AGR3: variants seen among roughly 807,000 people sequenced by gnomAD.
AGR3 encodes the protein anterior gradient 3, protein disulphide isomerase family member.
Under a neutral mutation model 24.5 loss-of-function variants are expected in AGR3, and 37 were observed. The ratio of observed to expected loss-of-function variants is 1.51; its 90% confidence interval spans 1.16 to 1.99. The LOEUF is 1.99. AGR3 is among the 30% of genes most tolerant of loss of function. AGR3 has a pLI of 0.00. For synonymous variants in AGR3, 75 were observed against 61.6 expected (o/e 1.22, Z -1.02); for missense variants, 228 against 191.1 (o/e 1.19, Z -1.14).
intron 1 of AGR3, among the ~76,000 whole-genome samples, chr7:16,879,054 A>G (rs1194104549): frequency 6.6e-6 from 1 of 152,232 alleles, no homozygotes; most frequent in African/African-American, 2.4e-5. Flanking sequence ...ATTCTCCTTC[A>G]TCTAATAGGT....
intron 1 of AGR3, 47 bp downstream of exon 1, chr7:16,881,897 C>T (rs1300773575): frequency 2.1e-6 from 1 of 470,738 alleles, no homozygotes; most frequent in Admixed American, 2.3e-5. Flanking sequence ...TTAAATATAG[C>T]AAAGCTTGAC....
At chr7:16,863,685 G>A (rs1488123175) in intron 3 of AGR3, among the ~76,000 whole-genome samples, 2 of 151,564 alleles carry the variant, frequency 1.3e-5, no homozygotes, top group African/African-American at 4.8e-5. Context: ...TCTACATTTT[G>A]CTTTTAAAAT....
At chr7:16,860,037 CTT>C (rs1183766843) in intron 7 of AGR3, among the ~76,000 whole-genome samples, 15 of 151,626 alleles carry the variant, frequency 9.9e-5, no homozygotes, top group South Asian at 8.3e-4. Context: ...GGGAGGATCA[CTT>C]GAGGCCAGGA....
chr7:16,858,619 C>T (rs1781585590), downstream of AGR3, among the ~76,000 whole-genome samples: 1 of 152,080 alleles, frequency 6.6e-6, no homozygotes, highest in Admixed American at 6.5e-5. Context: ...GGCCTGTAAT[C>T]CCAACACTTT....
At position 16,864,271 on chromosome 7, in the gene AGR3, C is replaced by T. The variant is rs192397534; in HGVS notation, c.174-1609G>A. On this transcript the variant is annotated intron_variant, in intron 3 of 7. Transcript: ENST00000310398. ...TGATTAGCAGGCTGGCTTCTATGTC[C>T]CATCACTCTCATAGTCTTCTATTAT... 3.4e-5 allele frequency: 46 copies of T among 1,338,844 alleles called. No homozygotes were observed. The South Asian group carries it at 5.4e-4, about 16-fold the overall frequency. 82.9% of individuals were successfully genotyped at this position (1,338,844 alleles called of 1,614,324 possible).
chr7:16,878,432 A>G (rs751986291), intron 2 of AGR3, 78 bp downstream of exon 2: 20 of 1,251,738 alleles, frequency 1.6e-5, no homozygotes, highest in Non-Finnish European at 2.1e-5. Flanking sequence ...TTATAATTAG[A>G]CTATGAGTGA....
chr7:16,862,216 TGGAAA>T (rs1183563067), intron 4 of AGR3, among the ~76,000 whole-genome samples, 156 bp from the exon 5 acceptor site: 1 of 152,192 alleles, frequency 6.6e-6, no homozygotes, highest in African/African-American at 2.4e-5. Flanking sequence ...TGTCCCTCAT[TGGAAA>T]GCAATGAGGG....
rs1344975110 is a variant in AGR3 at position 16,878,502 on chromosome 7, T to G, written c.109+8A>C. ...CTGAGTTTAGAAAATAAAATGAGAT[T>G]ACAGCACCTCTTGAGAGTGTCTGAG... On this transcript the variant is annotated splice_region_variant and intron_variant, in intron 2 of 7. Transcript: ENST00000310398. 6.2e-7 allele frequency: 1 copy of G among 1,607,078 alleles called. No homozygotes were observed. Among genetic ancestry groups the G allele is most frequent in the Admixed American group, 1.7e-5 (1 of 59,948 alleles).
Position 16,864,236 on chromosome 7 carries a change from A to C in AGR3, c.174-1574T>G, listed in dbSNP as rs560657584. On this transcript the variant is annotated intron_variant, in intron 3 of 7. Coordinates refer to ENST00000310398, the MANE Select transcript of AGR3 (RefSeq NM_176813.5). ...GAATGAAACAAAAATGAATCTGTGA[A>C]GTAGCAATCTGATTAGCAGGCTGGC... 1.9e-5 allele frequency: 24 copies of C among 1,251,892 alleles called. No homozygotes were observed. In the Admixed American group the frequency reaches 4.9e-4, roughly 26 times the overall value. The allele number at this position is 1,251,892 out of a possible 1,614,324, so 77.5% of individuals were successfully genotyped here. A position where few individuals can be genotyped will look rare whatever the true frequency, so the allele number is the denominator to read the frequency against.
chr7:16,862,145 C>A, intron 4 of AGR3, 85 bp from the exon 5 acceptor site: 1 of 1,013,036 alleles, frequency 9.9e-7, no homozygotes, highest in Non-Finnish European at 1.5e-6. Flanking sequence ...TAATATTTAG[C>A]ATTTGTTTGC....
chr7:16,874,497 G>T (rs1400240872), intron 2 of AGR3, among the ~76,000 whole-genome samples: 1 of 152,064 alleles, frequency 6.6e-6, no homozygotes, highest in African/African-American at 2.4e-5. Flanking sequence ...ATGTGTATAA[G>T]CAATTAAAGA....
intron 3 of AGR3, among the ~76,000 whole-genome samples, chr7:16,872,032 G>C (rs1781875802): frequency 1.3e-5 from 2 of 151,842 alleles, no homozygotes; most frequent in African/African-American, 4.9e-5. Context: ...TACCACCAAA[G>C]GCAATCTACA....
At chr7:16,864,444 T>C (rs10237800) in intron 3 of AGR3, 131,762 of 1,298,902 alleles carry the variant, frequency 0.1, 10,454 homozygotes, top group East Asian at 0.35. Flanking sequence ...CTGCAGAATG[T>C]CCTCCGTTAA....
At chr7:16,878,790 T>G in intron 1 of AGR3, 145 bp from the exon 2 acceptor site, 1 of 576,716 alleles carries the variant, frequency 1.7e-6, no homozygotes, top group Non-Finnish European at 3.1e-6. Context: ...CACATAGAAC[T>G]TTCATTCACA....
intron 3 of AGR3, among the ~76,000 whole-genome samples, chr7:16,870,670 C>T (rs1375035374): frequency 2.0e-5 from 3 of 152,028 alleles, no homozygotes; most frequent in African/African-American, 7.2e-5. Context: ...TATGAATTGT[C>T]TCCTTATAAA....
intron 3 of AGR3, among the ~76,000 whole-genome samples, chr7:16,867,583 C>T (rs1405755893): frequency 1.3e-5 from 2 of 152,186 alleles, no homozygotes; most frequent in Non-Finnish European, 2.9e-5. Flanking sequence ...ATTATTCCCA[C>T]AATGTACAAC....
intron 2 of AGR3, among the ~76,000 whole-genome samples, chr7:16,875,698 T>C (rs771915088): frequency 2.0e-5 from 3 of 152,200 alleles, no homozygotes; most frequent in Non-Finnish European, 4.4e-5. Flanking sequence ...TTTTCTAAAG[T>C]AGATGCATCA....
chr7:16,868,515 T>G (rs944904051), intron 3 of AGR3, among the ~76,000 whole-genome samples: 3 of 152,158 alleles, frequency 2.0e-5, no homozygotes, highest in Non-Finnish European at 4.4e-5. Flanking sequence ...AAACACAAAT[T>G]CCATTTTTGT....
intron 3 of AGR3, among the ~76,000 whole-genome samples, chr7:16,866,756 C>T (rs111551372): frequency 2.0e-5 from 3 of 152,118 alleles, no homozygotes; most frequent in Admixed American, 1.3e-4. Context: ...ATATTCTTTG[C>T]TCATTTTTTT....
Sources: gnomAD v4.1 joint callset for allele counts (sites outside exome capture counted in the v4.1 genomes callset) on GRCh38, gnomAD v4.1.1 for gene constraint, MANE v1.5 for transcripts, NCBI Gene and HGNC (gene_info 2026-07-23, HGNC 2026-07-21) for gene names.